Variants in EPHA6 observed in about 807,000 individuals in gnomAD.
EPHA6 encodes the protein EPH receptor A6, also known as ephrin type-A receptor 6.
In EPHA6, 50 loss-of-function variants were observed where a neutral mutation model predicts 112.0. The ratio of observed to expected loss-of-function variants is 0.45; its 90% confidence interval spans 0.36 to 0.56. The LOEUF is 0.56. EPHA6 is among the 20% of genes least tolerant of loss of function. EPHA6 has a pLI of 0.00. For synonymous variants in EPHA6, 529 were observed against 490.7 expected (o/e 1.08, Z -1.03); for missense variants, 1,280 against 1,417.4 (o/e 0.90, Z 1.56).
chr3:97,069,360 A>G (rs1478017740), intron 3 of EPHA6, among the ~76,000 whole-genome samples: 1 of 152,164 alleles, frequency 6.6e-6, no homozygotes, highest in African/African-American at 2.4e-5. Flanking sequence ...AGGAAGAAGA[A>G]GAGGAAGGGT....
chr3:97,372,505 C>T (rs1235061886), intron 5 of EPHA6, among the ~76,000 whole-genome samples: 1 of 152,058 alleles, frequency 6.6e-6, no homozygotes, highest in South Asian at 2.1e-4. Context: ...CAGTATTGGT[C>T]TTAATAGCAA....
intron 6 of EPHA6, among the ~76,000 whole-genome samples, chr3:97,411,073 G>A (rs186920220): frequency 3.4e-4 from 50 of 148,716 alleles, no homozygotes; most frequent in Middle Eastern, 3.5e-3. Context: ...ATAATTATTT[G>A]TTGCAGTGTC....
chr3:97,648,759 C>A (rs1257246958), intron 14 of EPHA6, among the ~76,000 whole-genome samples: 1 of 152,186 alleles, frequency 6.6e-6, no homozygotes, highest in Non-Finnish European at 1.5e-5. Flanking sequence ...TATATAATAA[C>A]CAATGCACTG....
chr3:97,477,830 GT>G (rs11339210), intron 8 of EPHA6, among the ~76,000 whole-genome samples: 28,725 of 151,716 alleles, frequency 0.19, 4,093 homozygotes, highest in African/African-American at 0.38. Context: ...AGTTTATTTA[GT>G]TTTTAAAGTA....
chr3:97,112,046 G>C (rs1405851879), intron 3 of EPHA6, among the ~76,000 whole-genome samples: 3 of 152,038 alleles, frequency 2.0e-5, no homozygotes, highest in African/African-American at 7.2e-5. Context: ...CATTCACTGT[G>C]TTTCCAAATT....
intron 5 of EPHA6, among the ~76,000 whole-genome samples, chr3:97,276,378 C>T (rs531586766): frequency 4.3e-4 from 65 of 151,852 alleles, no homozygotes; most frequent in Middle Eastern, 6.8e-3. Context: ...AGATGGGATG[C>T]GGCTTAGGAG....
At chr3:96,820,979 T>G (rs2107218264) in intron 1 of EPHA6, among the ~76,000 whole-genome samples, 1 of 152,010 alleles carries the variant, frequency 6.6e-6, no homozygotes, top group African/African-American at 2.4e-5. Flanking sequence ...ACACAAATTC[T>G]AAGTGATACT....
chr3:97,250,724 T>C (rs2079111971), intron 5 of EPHA6, among the ~76,000 whole-genome samples: 1 of 152,128 alleles, frequency 6.6e-6, no homozygotes, highest in Non-Finnish European at 1.5e-5. Flanking sequence ...TTCAATATAG[T>C]TCTTTGTTTG....
chr3:96,981,739 GTTGGTCCA>G (rs971972625), intron 2 of EPHA6, among the ~76,000 whole-genome samples: 6 of 152,052 alleles, frequency 3.9e-5, no homozygotes, highest in African/African-American at 1.4e-4. Context: ...AGAGCTTGTT[GTTGGTCCA>G]TTCAGAGATT....
At chr3:96,941,207 T>C (rs1360902928) in intron 2 of EPHA6, among the ~76,000 whole-genome samples, 1 of 152,208 alleles carries the variant, frequency 6.6e-6, no homozygotes, top group Non-Finnish European at 1.5e-5. Flanking sequence ...CCAACTTGGT[T>C]CCATTCTCCC....
At chr3:97,571,631 C>T (rs1347812452) in intron 11 of EPHA6, among the ~76,000 whole-genome samples, 1 of 150,922 alleles carries the variant, frequency 6.6e-6, no homozygotes, top group East Asian at 1.9e-4. Flanking sequence ...ATCTTATTTC[C>T]CTAAGACCAA....
intron 6 of EPHA6, among the ~76,000 whole-genome samples, chr3:97,420,185 T>C: frequency 6.6e-6 from 1 of 152,102 alleles, no homozygotes. Flanking sequence ...ATTATAAACA[T>C]CCATAAATCT....
chr3:97,484,343 G>T (rs1426499655), intron 10 of EPHA6, among the ~76,000 whole-genome samples: 1 of 151,888 alleles, frequency 6.6e-6, no homozygotes, highest in East Asian at 1.9e-4. Flanking sequence ...TTGTCATAAG[G>T]TTATAGATTT....
At chr3:97,368,317 GTAT>G (rs2084854459) in intron 5 of EPHA6, among the ~76,000 whole-genome samples, 1 of 151,940 alleles carries the variant, frequency 6.6e-6, no homozygotes, top group South Asian at 2.1e-4. Context: ...CTCTTAAAAG[GTAT>G]TATGTGAATA....
At chr3:97,015,698 G>A (rs567627942) in intron 3 of EPHA6, among the ~76,000 whole-genome samples, 1 of 152,238 alleles carries the variant, frequency 6.6e-6, no homozygotes, top group Admixed American at 6.5e-5. Context: ...GGAGAGGAGT[G>A]AACACTGCTG....
At chr3:96,987,281 TA>T in intron 2 of EPHA6, 48 bp from the exon 3 acceptor site, 3 of 1,474,968 alleles carry the variant, frequency 2.0e-6, no homozygotes, top group Non-Finnish European at 2.8e-6. Flanking sequence ...CATTTCTGTT[TA>T]ATCACTGTGG....
chr3:97,484,191 T>G (rs1043910722), intron 10 of EPHA6, 132 bp downstream of exon 10: 2 of 692,270 alleles, frequency 2.9e-6, no homozygotes, highest in Non-Finnish European at 4.3e-6. Flanking sequence ...TAAAGTGATC[T>G]TGTATATGTT....
chr3:97,686,512 G>A (rs2032262334), intron 14 of EPHA6, among the ~76,000 whole-genome samples: 1 of 152,196 alleles, frequency 6.6e-6, no homozygotes, highest in South Asian at 2.1e-4. Context: ...AAAACCTTGT[G>A]AAATTCAAAC....
At chr3:97,649,482 G>C (rs988423564) in intron 14 of EPHA6, among the ~76,000 whole-genome samples, 4 of 151,932 alleles carry the variant, frequency 2.6e-5, no homozygotes, top group Non-Finnish European at 5.9e-5. Flanking sequence ...ATAAGAACAA[G>C]CTCCTTCAGA....
Sources: allele counts gnomAD v4.1 joint callset (sites outside exome capture counted in the v4.1 genomes callset), GRCh38; gene constraint gnomAD v4.1.1; transcripts MANE v1.5; gene names NCBI Gene and HGNC (gene_info 2026-07-23, HGNC 2026-07-21).